NRXN1: variants seen among roughly 807,000 people sequenced by gnomAD.
NRXN1 encodes the protein neurexin 1.
NRXN1 carries 39 observed loss-of-function variants against 150.9 expected under a neutral mutation model. The observed-to-expected ratio is 0.26, with a 90% CI of 0.20 to 0.34. The LOEUF (loss-of-function observed/expected upper bound fraction) is 0.34, where lower values mean the gene tolerates loss of function less well. Ranked by LOEUF, NRXN1 falls within the 10% of genes least tolerant of loss-of-function variation. NRXN1 has a pLI of 1.00. For missense variants in NRXN1, 1,815 were observed against 1,949.9 expected, an observed-to-expected ratio of 0.93 and a Z score of 1.30; for synonymous variants, 924 against 757.0, an observed-to-expected ratio of 1.22 and a Z score of -3.62.
intron 17 of NRXN1, among the ~76,000 whole-genome samples, chr2:50,407,369 C>G (rs2082821966): frequency 6.6e-6 from 1 of 152,130 alleles, no homozygotes; most frequent in Non-Finnish European, 1.5e-5. Context: ...GGCAATGATA[C>G]TATTATCCTC....
At chr2:50,970,438 C>T (rs979933738) in intron 2 of NRXN1, among the ~76,000 whole-genome samples, 2 of 152,110 alleles carry the variant, frequency 1.3e-5, no homozygotes, top group African/African-American at 4.8e-5. Flanking sequence ...ATCAAAGCAT[C>T]TGGCATCCCA....
At chr2:50,998,990 G>C (rs978407450) in intron 2 of NRXN1, among the ~76,000 whole-genome samples, 2 of 152,012 alleles carry the variant, frequency 1.3e-5, no homozygotes, top group African/African-American at 4.8e-5. Flanking sequence ...CAAGGTCTCT[G>C]TGTCAAATTA....
chr2:50,875,352 A>G (rs919307909), intron 5 of NRXN1, among the ~76,000 whole-genome samples: 3 of 151,834 alleles, frequency 2.0e-5, no homozygotes, highest in Admixed American at 6.6e-5. Context: ...ATATGGAGAT[A>G]CTAAGATTCT....
intron 5 of NRXN1, among the ~76,000 whole-genome samples, chr2:50,740,092 G>A (rs1699252310): frequency 1.3e-5 from 2 of 152,136 alleles, no homozygotes; most frequent in South Asian, 4.1e-4. Context: ...TAAATTCTAA[G>A]TAGCTTTAAA....
chr2:50,797,457 C>T (rs1574506590), intron 5 of NRXN1, among the ~76,000 whole-genome samples: 1 of 152,196 alleles, frequency 6.6e-6, no homozygotes, highest in Middle Eastern at 3.4e-3. Context: ...TGATCTCAAA[C>T]ATTTTAAAAA....
intron 5 of NRXN1, among the ~76,000 whole-genome samples, chr2:50,639,113 C>T (rs1287068654): frequency 6.6e-6 from 1 of 152,050 alleles, no homozygotes; most frequent in Non-Finnish European, 1.5e-5. Context: ...GCAAAGACCA[C>T]TCAGCTTATG....
At chr2:50,540,103 G>C (rs1019702071) in intron 9 of NRXN1, among the ~76,000 whole-genome samples, 1 of 152,178 alleles carries the variant, frequency 6.6e-6, no homozygotes, top group Non-Finnish European at 1.5e-5. Flanking sequence ...AGACTGCTCA[G>C]GTGGCCGAGT....
intron 5 of NRXN1, among the ~76,000 whole-genome samples, chr2:50,702,820 G>T (rs1171089977): frequency 6.6e-6 from 1 of 151,914 alleles, no homozygotes; most frequent in Non-Finnish European, 1.5e-5. Flanking sequence ...TTTATTCATT[G>T]TCACTGTTAT....
chr2:50,225,968 T>C (rs998799244), intron 18 of NRXN1, among the ~76,000 whole-genome samples: 2 of 152,012 alleles, frequency 1.3e-5, no homozygotes, highest in Non-Finnish European at 2.9e-5. Flanking sequence ...GGTAGGGTTG[T>C]TTGACTTCAT....
chr2:50,133,878 G>C (rs925187932), intron 18 of NRXN1, among the ~76,000 whole-genome samples: 1 of 152,132 alleles, frequency 6.6e-6, no homozygotes, highest in Non-Finnish European at 1.5e-5. Context: ...ATTTGCTTGT[G>C]TCTAATACTC....
intron 18 of NRXN1, among the ~76,000 whole-genome samples, chr2:50,095,259 A>G (rs536277772): frequency 2.2e-4 from 34 of 152,168 alleles, no homozygotes; most frequent in African/African-American, 7.2e-4. Context: ...CACTGTTGAG[A>G]CTCCCTGTGG....
Position 50,518,145 on chromosome 2 carries a change from T to C in NRXN1, c.2374+10480A>G, listed in dbSNP as rs574609863. On this transcript the variant is annotated intron_variant, in intron 12 of 22. Transcript: ENST00000401669. ...ATTTTAAGAATTATAATTTACTTTT[T>C]AAGAAGAGAATTACATTTACAACAC... Among the ~76,000 whole-genome samples, 31 of 152,172 alleles carry C rather than the reference T, an allele frequency of 2.0e-4. No individual in the cohort carries two copies. The South Asian group carries it at 5.8e-3, about 28-fold the overall frequency.
chr2:50,420,214 G>C (rs1352501737), intron 17 of NRXN1, among the ~76,000 whole-genome samples: 2 of 151,956 alleles, frequency 1.3e-5, no homozygotes, highest in Admixed American at 6.6e-5. Context: ...TCAAATCAAA[G>C]TGAGCACTGC....
rs189247109 is a variant in NRXN1 at position 50,674,205 on chromosome 2, T to C, written c.833-50590A>G. Among the ~76,000 whole-genome samples, 12 of 152,274 alleles carry C rather than the reference T, an allele frequency of 7.9e-5. No homozygotes were observed. In the South Asian group the frequency reaches 1.9e-3, roughly 24 times the overall value. ...GAAGAGTATGGAACTCTTGGTGATA[T>C]TGCCTGGAAGGGTAAAGTTAGAATG... On this transcript the variant is annotated intron_variant, in intron 5 of 22. Transcript: ENST00000401669.
At chr2:50,027,380 TCCTCCCTC>T (rs113335146) in intron 21 of NRXN1, among the ~76,000 whole-genome samples, 1 of 135,770 alleles carries the variant, frequency 7.4e-6, no homozygotes, top group African/African-American at 2.9e-5. Context: ...CTTCCTTCCT[TCCTCCCTC>T]CCTTCCTTCC....
At chr2:50,094,182 T>C (rs544692693) in intron 18 of NRXN1, among the ~76,000 whole-genome samples, 2 of 152,328 alleles carry the variant, frequency 1.3e-5, no homozygotes, top group South Asian at 4.1e-4. Flanking sequence ...GTTAACATGA[T>C]AACATAATAA....
intron 2 of NRXN1, among the ~76,000 whole-genome samples, chr2:51,012,848 AT>A (rs961884153): frequency 3.4e-4 from 51 of 151,784 alleles, no homozygotes; most frequent in Admixed American, 7.9e-4. Flanking sequence ...GAGTACTATA[AT>A]TTTTTTTCTC....
chr2:50,487,233 T>C (rs1435175285), intron 15 of NRXN1, among the ~76,000 whole-genome samples: 2 of 152,134 alleles, frequency 1.3e-5, no homozygotes, highest in Admixed American at 1.3e-4. Flanking sequence ...CCTAAGGAAA[T>C]ACACAAAAGA....
chr2:50,092,296 G>A (rs1006320613), intron 18 of NRXN1, among the ~76,000 whole-genome samples: 5 of 152,140 alleles, frequency 3.3e-5, no homozygotes, highest in African/African-American at 1.2e-4. Context: ...CATAATATAA[G>A]GTGGCAAAGA....
Sources: gnomAD v4.1 joint callset for allele counts (sites outside exome capture counted in the v4.1 genomes callset) on GRCh38, gnomAD v4.1.1 for gene constraint, MANE v1.5 for transcripts, NCBI Gene and HGNC (gene_info 2026-07-23, HGNC 2026-07-21) for gene names.